Variants in PCDHGA2 observed in about 807,000 individuals in gnomAD.
PCDHGA2 encodes the protein protocadherin gamma-A2.
In PCDHGA2, 40 loss-of-function variants were observed where a neutral mutation model predicts 59.2. That is an observed-to-expected ratio of 0.68 (90% CI 0.52 to 0.88). PCDHGA2 has a LOEUF of 0.88. Ranked by LOEUF, PCDHGA2 falls within the 40% of genes least tolerant of loss-of-function variation. PCDHGA2 has a pLI of 0.00. For synonymous variants in PCDHGA2, 560 were observed against 526.0 expected, an observed-to-expected ratio of 1.06 and a Z score of -0.89; for missense variants, 1,226 against 1,204.0, an observed-to-expected ratio of 1.02 and a Z score of -0.27.
At chr5:141,350,950 G>A (rs781241590) in intron 1 of PCDHGA2, 3 of 1,613,932 alleles carry the variant, frequency 1.9e-6, no homozygotes, top group South Asian at 1.1e-5. Flanking sequence ...TCCGAGTTAC[G>A]GATGCCAATG....
intron 1 of PCDHGA2, among the ~76,000 whole-genome samples, chr5:141,465,094 G>GT (rs138941665): frequency 0.11 from 15,577 of 148,094 alleles, 909 homozygotes; most frequent in African/African-American, 0.15. Flanking sequence ...TTTTCTAGTA[G>GT]TTTTTTTTTT....
At chr5:141,457,393 T>G (rs1299068071) in intron 1 of PCDHGA2, among the ~76,000 whole-genome samples, 1 of 152,228 alleles carries the variant, frequency 6.6e-6, no homozygotes, top group African/African-American at 2.4e-5. Flanking sequence ...AGCATATTGA[T>G]TCACATTTTC....
chr5:141,486,425 A>C lies in PCDHGA2; in HGVS notation c.2425-8382A>C. The C allele has an allele frequency of 6.2e-7, 1 of 1,614,228 alleles. No homozygotes were observed. On this transcript the variant is annotated intron_variant, in intron 1 of 3. Transcript: ENST00000394576. This position sits in a 1 kb window ranked among gnomAD's most constrained non-coding sequence, Gnocchi z 5.0. Reference sequence around the variant, plus strand: ...TGCTGGACCCTTGGATCGAGAGGCCAAATCTAGCTATGACATCATGGTCAC... The same window carrying C: ...TGCTGGACCCTTGGATCGAGAGGCCCAATCTAGCTATGACATCATGGTCAC...
In PCDHGA2 at chr5:141,432,958, A is replaced by C; in HGVS notation, c.2425-61849A>C. 6.2e-7 allele frequency: 1 copy of C among 1,614,182 alleles called. No individual in the cohort carries two copies. Among genetic ancestry groups the C allele is most frequent in the African/African-American group, 1.3e-5 (1 of 75,056 alleles). On this transcript the variant is annotated intron_variant, in intron 1 of 3. Transcript: ENST00000394576. This position sits in a 1 kb window ranked among gnomAD's most constrained non-coding sequence, Gnocchi z 6.0. ...TGCAGGCTTCAGGAGGCGGCTTGAC[A>C]GGAGCGCCGGCGTCGCACTTTGTGG...
At chr5:141,507,611 A>G (rs2099862056) in intron 3 of PCDHGA2, among the ~76,000 whole-genome samples, 1 of 152,258 alleles carries the variant, frequency 6.6e-6, no homozygotes, top group South Asian at 2.1e-4. Flanking sequence ...AAACAGGTAT[A>G]TTTAGCTGTT....
intron 1 of PCDHGA2, among the ~76,000 whole-genome samples, chr5:141,434,195 T>C (rs1561872734): frequency 6.6e-6 from 1 of 151,916 alleles, no homozygotes; most frequent in Non-Finnish European, 1.5e-5. Flanking sequence ...AATTCCAATG[T>C]ACTTACTTCT....
chr5:141,483,779 A>G (rs1259583177), intron 1 of PCDHGA2, among the ~76,000 whole-genome samples: 2 of 152,146 alleles, frequency 1.3e-5, no homozygotes, highest in Non-Finnish European at 2.9e-5. Context: ...TTGGGGAAGG[A>G]TAAGAACTCC....
At chr5:141,362,497 G>A in intron 1 of PCDHGA2, 1 of 1,613,986 alleles carries the variant, frequency 6.2e-7, no homozygotes, top group Non-Finnish European at 8.5e-7. Context: ...TGCCTCTTGG[G>A]AACAAAATAC....
At chr5:141,387,369 G>A (rs2090919487) in intron 1 of PCDHGA2, among the ~76,000 whole-genome samples, 1 of 152,148 alleles carries the variant, frequency 6.6e-6, no homozygotes, top group African/African-American at 2.4e-5. Context: ...CTGTGTTATG[G>A]CTATCTTTAT....
intron 1 of PCDHGA2, chr5:141,404,042 A>G: frequency 3.1e-6 from 5 of 1,613,892 alleles, no homozygotes; most frequent in Non-Finnish European, 4.2e-6. Context: ...ACCTCAGGGA[A>G]CAGTAATTCT....
At chr5:141,425,392 A>G (rs2096872216) in intron 1 of PCDHGA2, among the ~76,000 whole-genome samples, 1 of 152,232 alleles carries the variant, frequency 6.6e-6, no homozygotes, top group African/African-American at 2.4e-5. Flanking sequence ...GGTAGTGATA[A>G]AGTTCTGTTA....
rs761852151 is a variant in PCDHGA2 at position 141,340,136 on chromosome 5, G to T, written c.1165G>T (p.Asp389Tyr). 1.2e-6 allele frequency: 2 copies of T among 1,614,174 alleles called. No homozygotes were observed. Among genetic ancestry groups the T allele is most frequent in the Non-Finnish European group, 1.7e-6 (2 of 1,180,026 alleles). ...ATTCACCACCTGTTCACTCCCCGAGGATCTTCCTTTTAAGTTAGAAAAGTC... is the reference window on the plus strand; with the variant it reads ...ATTCACCACCTGTTCACTCCCCGAGTATCTTCCTTTTAAGTTAGAAAAGTC... ...NAFTTCSLPE[D>Y]LPFKLEKSVD... The change falls in exon 1 of 4, where the codon GAT becomes TAT. Residue 389 changes from aspartate to tyrosine, a missense_variant. By Grantham distance (160) the Asp-to-Tyr change is radical. Transcript: ENST00000394576.
At chr5:141,413,364 G>A (rs759265336) in intron 1 of PCDHGA2, 14 of 1,613,870 alleles carry the variant, frequency 8.7e-6, no homozygotes, top group African/African-American at 5.3e-5. Flanking sequence ...CCCGGGAGCT[G>A]GCGGAGCGCG....
intron 1 of PCDHGA2, among the ~76,000 whole-genome samples, chr5:141,468,216 T>C (rs2099160325): frequency 6.6e-6 from 1 of 150,794 alleles, no homozygotes. Flanking sequence ...TTCCAGCTAC[T>C]TGGGAGGATG....
intron 1 of PCDHGA2, chr5:141,384,882 C>T (rs951463054): frequency 6.2e-7 from 1 of 1,613,754 alleles, no homozygotes; most frequent in African/African-American, 1.3e-5. Context: ...TCACACTCAC[C>T]GTGGCTGTGG....
intron 1 of PCDHGA2, among the ~76,000 whole-genome samples, chr5:141,448,871 G>A (rs1326162054): frequency 6.6e-6 from 1 of 152,148 alleles, no homozygotes; most frequent in Non-Finnish European, 1.5e-5. Flanking sequence ...CGTGAACCTG[G>A]GAGGCGGAGC....
intron 1 of PCDHGA2, chr5:141,405,580 G>T: frequency 1.7e-6 from 1 of 591,996 alleles, no homozygotes; most frequent in South Asian, 2.1e-5. Flanking sequence ...GAGTAGCTGG[G>T]ACTACAGGCC....
At chr5:141,488,913 A>G (rs887938731) in intron 1 of PCDHGA2, among the ~76,000 whole-genome samples, 4 of 152,196 alleles carry the variant, frequency 2.6e-5, no homozygotes, top group African/African-American at 7.2e-5. Flanking sequence ...TGTGTTCCCA[A>G]GGTTTCCAGG....
intron 1 of PCDHGA2, chr5:141,352,462 G>A (rs757771594): frequency 1.2e-6 from 2 of 1,613,998 alleles, no homozygotes; most frequent in South Asian, 1.1e-5. Flanking sequence ...CTGGGCCCGG[G>A]GTTCCTCCCA....
Sources: gnomAD v4.1 joint callset for allele counts (sites outside exome capture counted in the v4.1 genomes callset) on GRCh38, gnomAD v4.1.1 for gene constraint, Gnocchi (gnomAD v3.1) non-coding constraint, MANE v1.5 for transcripts, NCBI Gene and HGNC (gene_info 2026-07-23, HGNC 2026-07-21) for gene names.